The following OPCML variants were observed in gnomAD, a reference collection of about 807,000 sequenced individuals.
The protein encoded by OPCML is opioid binding protein/cell adhesion molecule like.
In OPCML, 13 loss-of-function variants were observed where a neutral mutation model predicts 37.8. The observed-to-expected ratio is 0.34, with a 90% CI of 0.22 to 0.55. The LOEUF is 0.55. Ranked by LOEUF, OPCML falls within the 20% of genes least tolerant of loss-of-function variation. OPCML has a pLI of 0.91. For missense variants in OPCML, 341 were observed against 435.6 expected, an observed-to-expected ratio of 0.78 and a Z score of 1.93; for synonymous variants, 176 against 168.8, an observed-to-expected ratio of 1.04 and a Z score of -0.33.
intron 2 of OPCML, among the ~76,000 whole-genome samples, chr11:132,893,924 A>G (rs1943743064): frequency 6.6e-6 from 1 of 152,202 alleles, no homozygotes; most frequent in African/African-American, 2.4e-5. Context: ...CTGGTTGTCT[A>G]CATTAAATTG....
chr11:133,476,605 C>T (rs2137017041), intron 1 of OPCML, among the ~76,000 whole-genome samples: 1 of 152,184 alleles, frequency 6.6e-6, no homozygotes, highest in Non-Finnish European at 1.5e-5. Flanking sequence ...ATGTGTTGGA[C>T]CCTATGGAGG....
chr11:133,175,762 C>G (rs1170600716), intron 1 of OPCML, among the ~76,000 whole-genome samples: 1 of 151,494 alleles, frequency 6.6e-6, no homozygotes, highest in Non-Finnish European at 1.5e-5. Context: ...GATGGATACA[C>G]TTGGGAGTCT....
rs754511797 is a variant in OPCML, at chr11:133,289,538, T to G, written c.61+242726A>C. On this transcript the variant is annotated intron_variant, in intron 1 of 7. Coordinates refer to ENST00000524381, the MANE Select transcript of OPCML (RefSeq NM_001012393.5). Reference sequence around the variant, plus strand: ...TGAACCCGGGAGGCGGAGCTTGCAGTGAGCCGAGATCCCGCCACTGCACTC... The same window carrying G: ...TGAACCCGGGAGGCGGAGCTTGCAGGGAGCCGAGATCCCGCCACTGCACTC... Among the ~76,000 whole-genome samples the G allele has an allele frequency of 5.9e-3, 778 of 132,172 alleles. 5 individuals carry two copies. Among genetic ancestry groups the G allele is most frequent in the Non-Finnish European group, 8.7e-3 (570 of 65,492 alleles). The allele number at this position is 132,172 out of a possible 152,430, so 86.7% of individuals were successfully genotyped here.
intron 3 of OPCML, among the ~76,000 whole-genome samples, chr11:132,641,536 T>C (rs1359955310): frequency 6.6e-6 from 1 of 152,200 alleles, no homozygotes; most frequent in East Asian, 1.9e-4. Context: ...GGCCTGGCCT[T>C]AATTGCATTT....
At chr11:133,154,427 A>G (rs1032756594) in intron 1 of OPCML, among the ~76,000 whole-genome samples, 3 of 152,152 alleles carry the variant, frequency 2.0e-5, no homozygotes, top group Admixed American at 6.5e-5. Context: ...TTTTTGTAAC[A>G]GGTTCTGCAA....
chr11:133,081,219 G>A (rs1374308177), intron 1 of OPCML, among the ~76,000 whole-genome samples: 1 of 152,126 alleles, frequency 6.6e-6, no homozygotes, highest in Admixed American at 6.5e-5. Flanking sequence ...AGGACTTGGT[G>A]CTTCCATCTG....
At chr11:132,535,088 T>C (rs1468052336) in intron 3 of OPCML, among the ~76,000 whole-genome samples, 2 of 148,840 alleles carry the variant, frequency 1.3e-5, no homozygotes, top group Non-Finnish European at 3.0e-5. Flanking sequence ...ATATTATATT[T>C]AATAATATAG....
chr11:133,480,400 CT>C (rs1947348976), intron 1 of OPCML, among the ~76,000 whole-genome samples: 1 of 152,258 alleles, frequency 6.6e-6, no homozygotes, highest in Non-Finnish European at 1.5e-5. Flanking sequence ...CGGCATCCCA[CT>C]GCCTTCTGCT....
At chr11:132,599,644 A>C (rs543563098) in intron 3 of OPCML, among the ~76,000 whole-genome samples, 2 of 152,108 alleles carry the variant, frequency 1.3e-5, no homozygotes, top group African/African-American at 4.8e-5. Flanking sequence ...AGAAGCCCCG[A>C]GTGCCTACAC....
At chr11:132,500,053 C>T (rs778178610) in intron 4 of OPCML, among the ~76,000 whole-genome samples, 1 of 152,158 alleles carries the variant, frequency 6.6e-6, no homozygotes, top group Non-Finnish European at 1.5e-5. Flanking sequence ...CCTCATACAT[C>T]AAATCAGGAT....
intron 1 of OPCML, among the ~76,000 whole-genome samples, chr11:133,358,020 C>G (rs1474242564): frequency 6.6e-6 from 1 of 152,186 alleles, no homozygotes; most frequent in Non-Finnish European, 1.5e-5. Context: ...GAGGGCCCCT[C>G]CAGTCTTCCC....
intron 2 of OPCML, among the ~76,000 whole-genome samples, chr11:132,890,811 C>T (rs369933434): frequency 2.8e-4 from 39 of 141,728 alleles, no homozygotes; most frequent in South Asian, 4.4e-4. Context: ...GAGCCGAGAT[C>T]GAGCCACTGC....
intron 1 of OPCML, among the ~76,000 whole-genome samples, chr11:133,039,298 C>T (rs1406052897): frequency 1.3e-5 from 2 of 152,130 alleles, no homozygotes; most frequent in Non-Finnish European, 2.9e-5. Flanking sequence ...GTCTCAGGAC[C>T]CCTGTGCTCA....
intron 1 of OPCML, among the ~76,000 whole-genome samples, chr11:133,373,653 G>T (rs934309491): frequency 1.3e-5 from 2 of 150,448 alleles, no homozygotes; most frequent in African/African-American, 2.4e-5. Context: ...AAAAGAAAAA[G>T]AAAAAAACAA....
chr11:132,426,040 A>T (rs545354150), intron 7 of OPCML, among the ~76,000 whole-genome samples: 15 of 152,316 alleles, frequency 9.8e-5, no homozygotes, highest in African/African-American at 3.1e-4. Context: ...ACCCTTTTTA[A>T]TGTTAAAAAT....
intron 1 of OPCML, among the ~76,000 whole-genome samples, chr11:133,060,964 T>G (rs1461229574): frequency 6.6e-6 from 1 of 152,228 alleles, no homozygotes; most frequent in Non-Finnish European, 1.5e-5. Flanking sequence ...TGAATTTCCT[T>G]AAAGTGTGTC....
chr11:133,441,240 A>G (rs186808752), intron 1 of OPCML, among the ~76,000 whole-genome samples: 29 of 152,172 alleles, frequency 1.9e-4, no homozygotes, highest in African/African-American at 7.0e-4. Context: ...AAGCCCAAGA[A>G]TGACATGAAA....
chr11:133,147,159 G>C (rs1179690983), intron 1 of OPCML, among the ~76,000 whole-genome samples: 3 of 152,148 alleles, frequency 2.0e-5, no homozygotes, highest in Non-Finnish European at 4.4e-5. Context: ...TAGCTCTTCA[G>C]GGGGGTGTTC....
chr11:132,661,213 T>G (rs766661969), intron 2 of OPCML, among the ~76,000 whole-genome samples: 6 of 152,098 alleles, frequency 3.9e-5, no homozygotes, highest in Non-Finnish European at 7.3e-5. Flanking sequence ...CTGGGCCTCC[T>G]TATGGGCCTG....
Sources: gnomAD v4.1 joint callset for allele counts (sites outside exome capture counted in the v4.1 genomes callset) on GRCh38, gnomAD v4.1.1 for gene constraint, MANE v1.5 for transcripts, NCBI Gene and HGNC (gene_info 2026-07-23, HGNC 2026-07-21) for gene names.